Variants in PMM1 observed in about 807,000 individuals in gnomAD.
The protein encoded by PMM1 is brain glucose-1,6-bisphosphatase.
A neutral mutation model predicts 34.0 loss-of-function variants in PMM1; 25 were observed. The observed-to-expected ratio is 0.73, with a 90% confidence interval of 0.54 to 1.03. The LOEUF (loss-of-function observed/expected upper bound fraction) is 1.03, where lower values mean the gene tolerates loss of function less well. PMM1 is among the 50% of genes least tolerant of loss of function. The probability of loss-of-function intolerance (pLI) is 0.00; values close to 1 mark genes in which losing one functional copy is unlikely to be tolerated. For missense variants in PMM1, 321 were observed against 350.1 expected, an observed-to-expected ratio of 0.92 and a Z score of 0.66; for synonymous variants, 134 against 143.9, an observed-to-expected ratio of 0.93 and a Z score of 0.49.
chr22:41,589,670 G>T, intron 1 of PMM1, 49 bp downstream of exon 1: 4 of 1,492,714 alleles, frequency 2.7e-6, no homozygotes, highest in Non-Finnish European at 2.8e-6. Flanking sequence ...AGCCTCGGGG[G>T]TGTCCGCGTG....
In PMM1 at chr22:41,577,123, G is replaced by A. The variant is rs2067182475; in HGVS notation, c.*195C>T. ...GCATGGGGAACACTCTGGGCCCTGG[G>A]AGGACGAAGCCAGTGCCACTAGGAG... is the stretch of plus-strand genomic sequence containing the variant. On this transcript the variant is annotated 3_prime_UTR_variant, in exon 8 of 8. Coordinates refer to ENST00000216259, the MANE Select transcript of PMM1 (RefSeq NM_002676.3). The A allele has an allele frequency of 8.8e-6, 6 of 679,968 alleles. No homozygotes were observed. In the East Asian group the frequency reaches 1.1e-4, roughly 12 times the overall value. 42.1% of individuals were successfully genotyped at this position (679,968 alleles called of 1,614,324 possible). A position where few individuals can be genotyped will look rare whatever the true frequency, so the allele number is the denominator to read the frequency against.
Position 41,577,211 on chromosome 22 carries a change from G to A in PMM1, c.*107C>T. 2.7e-6 allele frequency: 4 copies of A among 1,483,016 alleles called. No individual in the cohort carries two copies. Among genetic ancestry groups the A allele is most frequent in the East Asian group, 2.3e-5 (1 of 44,196 alleles). The allele number at this position is 1,483,016 out of a possible 1,614,324, so 91.9% of individuals were successfully genotyped here. On this transcript the variant is annotated 3_prime_UTR_variant, in exon 8 of 8. Coordinates refer to ENST00000216259, the MANE Select transcript of PMM1 (RefSeq NM_002676.3). ...CCCCATCTGGGTGGGCTTGCAGCAG[G>A]CGTCCTGGGCCAGAGGAGGGGCCCT...
chr22:41,584,435 T>G (rs2067284379), intron 3 of PMM1, 63 bp from the exon 4 acceptor site: 1 of 1,576,988 alleles, frequency 6.3e-7, no homozygotes, highest in East Asian at 2.2e-5. Flanking sequence ...ACAGGCACAG[T>G]GTCTCTCCCC....
chr22:41,589,032 G>T, intron 1 of PMM1: 1 of 1,256,032 alleles, frequency 8.0e-7, no homozygotes, highest in Non-Finnish European at 1.1e-6. Flanking sequence ...AGAGTCTTTA[G>T]AAGAAAACTA....
At chr22:41,588,463 T>A (rs780117072) in intron 1 of PMM1, among the ~76,000 whole-genome samples, 1 of 152,224 alleles carries the variant, frequency 6.6e-6, no homozygotes, top group African/African-American at 2.4e-5. Flanking sequence ...TCGTGATCTG[T>A]CTGCCTCGGC....
chr22:41,586,411 C>A (rs2067308235), intron 1 of PMM1: 3 of 786,896 alleles, frequency 3.8e-6, no homozygotes, highest in Admixed American at 8.1e-5. Context: ...TCACTTGACC[C>A]AGGAGTTTGA....
chr22:41,584,659 C>A (rs1435869561), intron 2 of PMM1, 56 bp from the exon 3 acceptor site: 6 of 1,319,096 alleles, frequency 4.5e-6, no homozygotes, highest in Non-Finnish European at 6.5e-6. Context: ...ACGTCTGTGA[C>A]CCCACGGGCA....
At chr22:41,589,667 G>T in intron 1 of PMM1, 52 bp downstream of exon 1, 1 of 1,480,282 alleles carries the variant, frequency 6.8e-7, no homozygotes, top group Non-Finnish European at 9.3e-7. Flanking sequence ...CTCAGCCTCG[G>T]GGGTGTCCGC....
chr22:41,583,848 C>A, intron 5 of PMM1, 111 bp downstream of exon 5: 1 of 738,736 alleles, frequency 1.4e-6, no homozygotes, highest in Non-Finnish European at 2.4e-6. Context: ...GAAAGGGTAT[C>A]AGTTAAATCA....
Position 41,589,724 on chromosome 22 carries a change from G to A in PMM1, c.82C>T (p.Arg28Cys). The change falls in exon 1 of 8, where the codon CGC (arginine) becomes TGC (cysteine). Residue 28 changes from arginine to cysteine, a missense_variant. Arg to Cys is a radical substitution (Grantham distance 180). Coordinates refer to ENST00000216259, the MANE Select transcript of PMM1 (RefSeq NM_002676.3). The stretch of plus-strand genomic sequence containing the variant: ...TCCAATCTTCAGGGTCCTACCTGGC[G>A]AGCCGGCGTGAGGGTCCCGTCCACG... ...FDVDGTLTPA[R>C]QKIDPEVAAF... The A allele has an allele frequency of 6.2e-7, 1 of 1,611,022 alleles. No individual in the cohort carries two copies. Among genetic ancestry groups the A allele is most frequent in the Non-Finnish European group, 8.5e-7 (1 of 1,179,162 alleles).
chr22:41,578,655 T>C, intron 6 of PMM1, 151 bp downstream of exon 6: 1 of 632,966 alleles, frequency 1.6e-6, no homozygotes, highest in East Asian at 2.8e-5. Context: ...ACTGAACCCC[T>C]TTCTGCATCG....
chr22:41,589,711 G>C lies in PMM1; in HGVS notation c.87+8C>G. 6.2e-7 allele frequency: 1 copy of C among 1,608,312 alleles called. No homozygotes were observed. Among genetic ancestry groups the C allele is most frequent in the East Asian group, 2.2e-5 (1 of 44,724 alleles). On this transcript the variant is annotated splice_region_variant and intron_variant, in intron 1 of 7. Transcript: ENST00000216259. ...CCCGGTGGGAGCTTCCAATCTTCAG[G>C]GTCCTACCTGGCGAGCCGGCGTGAG...
In PMM1 at chr22:41,584,395, T is replaced by C. The variant is rs1378291105; in HGVS notation, c.283-23A>G. 1.9e-6 allele frequency: 3 copies of C among 1,609,034 alleles called. No homozygotes were observed. The Admixed American group carries it at 5.0e-5, about 27-fold the overall frequency. ...GGTCTGGCCAAGGAACACAGGGCTC[T>C]GAGCGTGGCCTGGGCTGCCTGACCC... is the stretch of plus-strand genomic sequence containing the variant. On this transcript the variant is annotated intron_variant, in intron 3 of 7. Coordinates refer to ENST00000216259, the MANE Select transcript of PMM1 (RefSeq NM_002676.3).
rs148335894 is a variant in PMM1 at position 41,588,976 on chromosome 22, C to A, written c.87+743G>T. On this transcript the variant is annotated intron_variant, in intron 1 of 7. Transcript: ENST00000216259. ...TTTTGGGGACTCACTCACAATGAGA[C>A]CCAATGGGAGAAAAACTGAGCAGAG... 38 of 1,139,796 alleles carry A rather than the reference C, an allele frequency of 3.3e-5. No individual in the cohort carries two copies. The African/African-American group carries it at 4.3e-4, about 13-fold the overall frequency. 70.6% of individuals were successfully genotyped at this position (1,139,796 alleles called of 1,614,324 possible).
At chr22:41,583,038 A>C (rs1489927953) in intron 5 of PMM1, among the ~76,000 whole-genome samples, 14 of 151,882 alleles carry the variant, frequency 9.2e-5, no homozygotes, top group Non-Finnish European at 1.9e-4. Context: ...TAGAAAGGAG[A>C]CGCGGAGAGC....
chr22:41,577,775 C>T (rs539781271), intron 7 of PMM1, 33 bp downstream of exon 7: 13 of 1,526,642 alleles, frequency 8.5e-6, no homozygotes, highest in South Asian at 5.6e-5. Context: ...CTGTCCACTG[C>T]GTTAGGGGAA....
Position 41,586,136 on chromosome 22 carries a change from C to T in PMM1, c.145G>A (p.Gly49Ser), listed in dbSNP as rs764923495. Reference protein sequence around the residue: ...LQKLRSRVQIGVVGGSDYCKI... With the variant: ...LQKLRSRVQISVVGGSDYCKI... ...CAGTAGTCAGAGCCGCCCACCACAC[C>T]GATCTGCACTCTACTTCGTAGCTTC... is the stretch of plus-strand genomic sequence containing the variant. The change falls in exon 2 of 8, where the codon GGT becomes AGT. Residue 49 changes from glycine to serine, a missense_variant. By Grantham distance (56) the Gly-to-Ser change is moderately conservative (BLOSUM62 0). Coordinates refer to ENST00000216259, the MANE Select transcript of PMM1 (RefSeq NM_002676.3). 3.7e-6 allele frequency: 6 copies of T among 1,605,660 alleles called. No individual in the cohort carries two copies. The East Asian group carries it at 6.8e-5, about 18-fold the overall frequency.
intron 5 of PMM1, among the ~76,000 whole-genome samples, chr22:41,583,035 G>A (rs977985743): frequency 6.6e-6 from 1 of 152,098 alleles, no homozygotes; most frequent in Non-Finnish European, 1.5e-5. Flanking sequence ...GCATAGAAAG[G>A]AGACGCGGAG....
chr22:41,582,933 A>T (rs2067262651), intron 5 of PMM1, among the ~76,000 whole-genome samples: 1 of 152,062 alleles, frequency 6.6e-6, no homozygotes, highest in African/African-American at 2.4e-5. Flanking sequence ...TGGGGAGAAA[A>T]GCAAAATGCA....
Sources: gnomAD v4.1 joint callset for allele counts (sites outside exome capture counted in the v4.1 genomes callset) on GRCh38, gnomAD v4.1.1 for gene constraint, MANE v1.5 for transcripts, NCBI Gene and HGNC (gene_info 2026-07-23, HGNC 2026-07-21) for gene names.